TCEA1: variants seen among roughly 807,000 people sequenced by gnomAD.
The protein encoded by TCEA1 is transcription elongation factor A1.
TCEA1 carries 21 observed loss-of-function variants against 43.8 expected under a neutral mutation model. The ratio of observed to expected loss-of-function variants is 0.48; its 90% CI spans 0.34 to 0.69. The LOEUF (loss-of-function observed/expected upper bound fraction) is 0.69. Among genes scored for constraint, TCEA1 ranks in the 30% least tolerant of loss-of-function variants. TCEA1 has a pLI of 0.01. For missense variants in TCEA1, 250 were observed against 365.1 expected (o/e 0.68, Z 2.57); for synonymous variants, 104 against 117.5 (o/e 0.88, Z 0.75).
chr8:53,985,937 C>T (rs1803678492), intron 6 of TCEA1, among the ~76,000 whole-genome samples: 2 of 152,132 alleles, frequency 1.3e-5, no homozygotes, highest in African/African-American at 4.8e-5. Flanking sequence ...TCATAAATGC[C>T]ATCAATACTG....
At chr8:54,019,342 G>C (rs1454739865) in intron 1 of TCEA1, among the ~76,000 whole-genome samples, 1 of 151,980 alleles carries the variant, frequency 6.6e-6, no homozygotes, top group Admixed American at 6.6e-5. Context: ...GGCCAGGACG[G>C]GCAGATCACC....
At chr8:54,014,174 A>C in intron 1 of TCEA1, among the ~76,000 whole-genome samples, 1 of 152,248 alleles carries the variant, frequency 6.6e-6, no homozygotes, top group Non-Finnish European at 1.5e-5. Flanking sequence ...TAGTAAGGTC[A>C]TGAACTAGTC....
chr8:53,983,415 G>C (rs1014120479), intron 7 of TCEA1, among the ~76,000 whole-genome samples: 1 of 152,178 alleles, frequency 6.6e-6, no homozygotes, highest in African/African-American at 2.4e-5. Context: ...ATACAATATA[G>C]CTAATATCTA....
chr8:54,005,608 G>A (rs764728218), intron 2 of TCEA1, among the ~76,000 whole-genome samples: 12 of 142,840 alleles, frequency 8.4e-5, no homozygotes, highest in Admixed American at 2.1e-4. Flanking sequence ...AAAAATCTCA[G>A]TCATCCTAAA....
chr8:53,992,948 C>T (rs1803927081), intron 4 of TCEA1, among the ~76,000 whole-genome samples: 1 of 144,230 alleles, frequency 6.9e-6, no homozygotes, highest in Non-Finnish European at 1.5e-5. Flanking sequence ...GTTCTTATAA[C>T]AAATGGCTTT....
At chr8:53,995,213 T>G (rs1456999193) in intron 3 of TCEA1, among the ~76,000 whole-genome samples, 1 of 150,330 alleles carries the variant, frequency 6.7e-6, no homozygotes, top group Non-Finnish European at 1.5e-5. Context: ...GAGAATCATT[T>G]GAACCTGGGA....
intron 8 of TCEA1, among the ~76,000 whole-genome samples, chr8:53,976,888 G>T (rs1487504236): frequency 2.6e-5 from 4 of 152,188 alleles, no homozygotes; most frequent in African/African-American, 9.7e-5. Context: ...ATACACAACT[G>T]TGACTTAATG....
At chr8:53,984,105 G>A (rs958908642) in intron 7 of TCEA1, among the ~76,000 whole-genome samples, 2 of 151,612 alleles carry the variant, frequency 1.3e-5, no homozygotes, top group Admixed American at 1.3e-4. Context: ...TGTCTCGAAA[G>A]AAAAAAAAGT....
intron 1 of TCEA1, among the ~76,000 whole-genome samples, chr8:54,019,914 TG>T (rs1277931659): frequency 5.3e-5 from 8 of 152,210 alleles, no homozygotes; most frequent in African/African-American, 1.9e-4. Flanking sequence ...GGAAAAGTTT[TG>T]AACTACCTGA....
chr8:54,002,587 G>A (rs1375557186), intron 2 of TCEA1, among the ~76,000 whole-genome samples: 1 of 143,908 alleles, frequency 6.9e-6, no homozygotes, highest in Non-Finnish European at 1.5e-5. Flanking sequence ...AAAAAAAAAA[G>A]TAGAGGAAAA....
intron 8 of TCEA1, chr8:53,973,417 G>A (rs1240078017): frequency 4.0e-6 from 2 of 501,786 alleles, no homozygotes; most frequent in South Asian, 1.7e-5. Context: ...AAAGAGGCCA[G>A]TGAAAATTAA....
chr8:53,981,930 T>TCTTTC (rs1554529595), intron 7 of TCEA1, among the ~76,000 whole-genome samples: 12 of 147,786 alleles, frequency 8.1e-5, no homozygotes, highest in Non-Finnish European at 1.2e-4. Context: ...AAGTTTTCTT[T>TCTTTC]TTTTTTTTTT....
intron 4 of TCEA1, 195 bp downstream of exon 4, chr8:53,993,473 T>C: frequency 2.2e-6 from 1 of 452,388 alleles, no homozygotes. Flanking sequence ...ATTTATTCAA[T>C]GTCTTCTACC....
intron 6 of TCEA1, among the ~76,000 whole-genome samples, chr8:53,985,268 CG>C (rs1286028144): frequency 2.0e-5 from 3 of 152,192 alleles, no homozygotes; most frequent in Admixed American, 2.0e-4. Context: ...CCACCCGTCT[CG>C]GCCTCTCAAA....
At chr8:54,021,994 G>T (rs995950366) in intron 1 of TCEA1, 69 bp downstream of exon 1, 25 of 1,385,420 alleles carry the variant, frequency 1.8e-5, no homozygotes, top group Non-Finnish European at 2.2e-5. Context: ...GAAGGAGGGA[G>T]GGGGCGGCCC....
intron 4 of TCEA1, among the ~76,000 whole-genome samples, chr8:53,992,881 G>A (rs1013965937): frequency 7.2e-5 from 11 of 151,938 alleles, no homozygotes; most frequent in Non-Finnish European, 1.6e-4. Context: ...ACATGCAAAG[G>A]CCTCATAGGA....
chr8:54,012,642 A>T (rs1015667988), intron 1 of TCEA1, among the ~76,000 whole-genome samples: 7 of 152,228 alleles, frequency 4.6e-5, no homozygotes, highest in African/African-American at 1.7e-4. Context: ...GTATTATGTA[A>T]TATATGATGT....
At chr8:54,000,776 T>TTTTTTA (rs10699511) in intron 2 of TCEA1, among the ~76,000 whole-genome samples, 1 of 151,184 alleles carries the variant, frequency 6.6e-6, no homozygotes, top group African/African-American at 2.4e-5. Flanking sequence ...TTTTTTTTTT[T>TTTTTTA]GAGACGGACT....
At chr8:54,010,581 A>C (rs1434988322) in intron 1 of TCEA1, 89 bp from the exon 2 acceptor site, 4 of 1,037,474 alleles carry the variant, frequency 3.9e-6, no homozygotes, top group Non-Finnish European at 5.6e-6. Context: ...ATCACAGAAA[A>C]CAGCTAAAGA....
Sources: allele counts gnomAD v4.1 joint callset (sites outside exome capture counted in the v4.1 genomes callset), GRCh38; gene constraint gnomAD v4.1.1; transcripts MANE v1.5; gene names NCBI Gene and HGNC (gene_info 2026-07-23, HGNC 2026-07-21).